Variants in P3H2 observed in about 807,000 individuals in gnomAD.
P3H2 encodes the protein leprecan-like 1.
In P3H2, 80 loss-of-function variants were observed where a neutral mutation model predicts 87.0. That is an observed-to-expected ratio of 0.92 (90% CI 0.77 to 1.11). The LOEUF is 1.11. Ranked by LOEUF, P3H2 falls within the 50% of genes least tolerant of loss-of-function variation. The pLI is 0.00. For synonymous variants in P3H2, 367 were observed against 359.3 expected (o/e 1.02, Z -0.24); for missense variants, 1,001 against 923.9 (o/e 1.08, Z -1.08).
In P3H2 at chr3:190,014,632, T is replaced by C. The variant is rs1383928471; in HGVS notation, c.481-19190A>G. Among the ~76,000 whole-genome samples the C allele has an allele frequency of 3.3e-5, 5 of 152,212 alleles. No homozygotes were observed. In the South Asian group the frequency reaches 1.0e-3, roughly 32 times the overall value. ...CATTGTGGTTGTATTTGAGTGAACA[T>C]AGACACCAATCTTGAGCCCACATCT... On this transcript the variant is annotated intron_variant, in intron 1 of 14. Transcript: ENST00000319332.
chr3:190,051,115 G>T (rs1263160585), intron 1 of P3H2, among the ~76,000 whole-genome samples: 1 of 152,146 alleles, frequency 6.6e-6, no homozygotes, highest in Non-Finnish European at 1.5e-5. Context: ...CATGTAATTT[G>T]ATAAGTTAGA....
Position 189,957,001 on chromosome 3 carries a change from C to A in P3H2, c.*911G>T. 2.5e-6 allele frequency: 1 copy of A among 397,892 alleles called. No individual in the cohort carries two copies. Among genetic ancestry groups the A allele is most frequent in the Non-Finnish European group, 4.4e-6 (1 of 225,726 alleles). 24.6% of individuals were successfully genotyped at this position (397,892 alleles called of 1,614,324 possible). On this transcript the variant is annotated 3_prime_UTR_variant, in exon 15 of 15. Coordinates refer to ENST00000319332, the MANE Select transcript of P3H2 (RefSeq NM_018192.4). ...CCATTCTACTACAACCTCTACATGA[C>A]CTTTTAAAGTGTACAACTTATAGGA...
rs555175183 is a variant in P3H2 at position 190,015,248 on chromosome 3, C to T, written c.481-19806G>A. Reference sequence around the variant, plus strand: ...ACTTTCCTGAGATTACAGGCATGAGCCACTGCATCTAGCCTAGGACACATG... The same window carrying T: ...ACTTTCCTGAGATTACAGGCATGAGTCACTGCATCTAGCCTAGGACACATG... On this transcript the variant is annotated intron_variant, in intron 1 of 14. Transcript: ENST00000319332. Among the ~76,000 whole-genome samples the T allele has an allele frequency of 5.3e-5, 8 of 152,186 alleles. No homozygotes were observed. The South Asian group carries it at 1.7e-3, about 32-fold the overall frequency.
At chr3:190,068,189 A>T (rs1406474381) in intron 1 of P3H2, among the ~76,000 whole-genome samples, 3 of 152,216 alleles carry the variant, frequency 2.0e-5, no homozygotes, top group African/African-American at 7.2e-5. Context: ...ATTTTCTCCA[A>T]ACATTTAAAG....
At chr3:190,058,672 CA>C (rs955812517) in intron 1 of P3H2, among the ~76,000 whole-genome samples, 1 of 152,190 alleles carries the variant, frequency 6.6e-6, no homozygotes, top group Non-Finnish European at 1.5e-5. Context: ...TTTGCTGATG[CA>C]GACAGCAAGT....
intron 1 of P3H2, among the ~76,000 whole-genome samples, chr3:190,116,806 AAG>A (rs1712305540): frequency 6.6e-6 from 1 of 152,228 alleles, no homozygotes; most frequent in Non-Finnish European, 1.5e-5. Context: ...CAAAAGTTTG[AAG>A]AGTCTCACAC....
At chr3:190,118,976 A>T (rs1017638411) in intron 1 of P3H2, among the ~76,000 whole-genome samples, 1 of 151,538 alleles carries the variant, frequency 6.6e-6, no homozygotes, top group Non-Finnish European at 1.5e-5. Context: ...ATGGTGGTGC[A>T]CACCTGTAAT....
At chr3:189,961,368 A>C (rs1172785601) in intron 14 of P3H2, among the ~76,000 whole-genome samples, 1 of 152,224 alleles carries the variant, frequency 6.6e-6, no homozygotes. Context: ...GAACCAATAT[A>C]TATGAAGCTT....
chr3:190,084,234 T>C (rs115738688), intron 1 of P3H2, among the ~76,000 whole-genome samples: 1 of 152,328 alleles, frequency 6.6e-6, no homozygotes, highest in African/African-American at 2.4e-5. Flanking sequence ...TCCTTTACAC[T>C]ATGCCAAAAC....
intron 1 of P3H2, among the ~76,000 whole-genome samples, chr3:190,004,625 G>A (rs931230005): frequency 1.3e-5 from 2 of 152,058 alleles, no homozygotes; most frequent in South Asian, 2.1e-4. Context: ...CTTGTGATCC[G>A]CCCGCCTCGG....
chr3:190,055,357 C>CT (rs1033009671), intron 1 of P3H2, among the ~76,000 whole-genome samples: 3 of 152,126 alleles, frequency 2.0e-5, no homozygotes, highest in African/African-American at 7.2e-5. Context: ...ATTTCTAAAA[C>CT]TTCAGTTTGA....
chr3:189,970,684 C>A (rs1365422342), intron 13 of P3H2, 132 bp downstream of exon 13: 3 of 659,610 alleles, frequency 4.5e-6, no homozygotes, highest in South Asian at 1.8e-5. Flanking sequence ...TATACATTTA[C>A]TGAAACTCTC....
At chr3:190,032,890 A>G (rs796471140) in intron 1 of P3H2, among the ~76,000 whole-genome samples, 1 of 152,194 alleles carries the variant, frequency 6.6e-6, no homozygotes, top group Admixed American at 6.5e-5. Context: ...AGTGGATTAC[A>G]TTTATTGTGC....
intron 1 of P3H2, among the ~76,000 whole-genome samples, chr3:190,027,272 GATA>G (rs1560368503): frequency 6.6e-6 from 1 of 152,192 alleles, no homozygotes; most frequent in African/African-American, 2.4e-5. Context: ...CCACCCAACA[GATA>G]ATACTATACC....
chr3:189,981,259 G>T (rs1270017210), intron 8 of P3H2, among the ~76,000 whole-genome samples: 1 of 152,192 alleles, frequency 6.6e-6, no homozygotes, highest in Non-Finnish European at 1.5e-5. Flanking sequence ...AGAAGTATAG[G>T]TAACAACTTA....
At chr3:189,992,003 T>TA (rs75741819) in intron 3 of P3H2, among the ~76,000 whole-genome samples, 37,843 of 151,974 alleles carry the variant, frequency 0.25, 4,878 homozygotes, top group Admixed American at 0.3. Context: ...CCAAGTTTGG[T>TA]AAAAAATCAT....
intron 1 of P3H2, among the ~76,000 whole-genome samples, chr3:190,023,186 C>T (rs532001811): frequency 6.6e-6 from 1 of 152,258 alleles, no homozygotes; most frequent in Admixed American, 6.5e-5. Context: ...TGACCAAGGA[C>T]TACACTATAA....
Position 190,041,143 on chromosome 3 carries a change from A to T in P3H2, c.481-45701T>A, listed in dbSNP as rs544350382. Among the ~76,000 whole-genome samples, 194 of 141,372 alleles carry T rather than the reference A, an allele frequency of 1.4e-3. 3 individuals are homozygous for T. Among genetic ancestry groups the T allele is most frequent in the Non-Finnish European group, 2.4e-3 (155 of 65,072 alleles). The allele number at this position is 141,372 out of a possible 152,430, so 92.7% of individuals were successfully genotyped here. ...ATATATAAGCTGGGCATGGTGGTGC[A>T]CACCTGTAGCCCCAGCTACTTGGGA... On this transcript the variant is annotated intron_variant, in intron 1 of 14. Coordinates refer to ENST00000319332, the MANE Select transcript of P3H2 (RefSeq NM_018192.4).
chr3:190,010,683 TGTC>T (rs1724558981), intron 1 of P3H2, among the ~76,000 whole-genome samples: 1 of 152,216 alleles, frequency 6.6e-6, no homozygotes, highest in Non-Finnish European at 1.5e-5. Context: ...AGAAGGTAAA[TGTC>T]TGCTGTTTAA....
Sources: allele counts gnomAD v4.1 joint callset (sites outside exome capture counted in the v4.1 genomes callset), GRCh38; gene constraint gnomAD v4.1.1; transcripts MANE v1.5; gene names NCBI Gene and HGNC (gene_info 2026-07-23, HGNC 2026-07-21).